Variants in ANKRD23 observed in about 807,000 individuals in gnomAD.
ANKRD23 encodes ankyrin repeat domain-containing protein 23.
ANKRD23 carries 52 observed loss-of-function variants against 38.1 expected under a neutral mutation model. That is an observed-to-expected ratio of 1.36 (90% CI 1.09 to 1.72). ANKRD23 has a LOEUF of 1.72. Among genes scored for constraint, ANKRD23 ranks in the 40% most tolerant of loss-of-function variants. ANKRD23 has a pLI of 0.00. For missense variants in ANKRD23, 416 were observed against 400.2 expected, an observed-to-expected ratio of 1.04 and a Z score of -0.34; for synonymous variants, 167 against 162.9, an observed-to-expected ratio of 1.03 and a Z score of -0.19.
rs763976898 is a variant in ANKRD23 at position 96,840,103 on chromosome 2, CA to C, written c.625-9del. 3 of 1,552,386 alleles carry C rather than the reference CA, an allele frequency of 1.9e-6. No homozygotes were observed. Among genetic ancestry groups the C allele is most frequent in the East Asian group, 4.8e-5 (2 of 41,750 alleles). On this transcript the variant is annotated splice_polypyrimidine_tract_variant and intron_variant, in intron 6 of 8. Transcript: ENST00000318357. ...CAGGGGGGTGCTCCCGATCTGAGAG[CA>C]AGTGGGGGTCAGTGCTGGGTCTGGA...
chr2:96,842,094 CTG>C lies in ANKRD23; in HGVS notation c.264_265del (p.His88GlnfsTer8). ...GGGCTCAGGTTTCCTGGGGGGGACT[CTG>C]TGTCTCAGTCGCTTTTTCCGTCTTT... On this transcript the variant is annotated frameshift_variant, in exon 3 of 9. Coordinates refer to ENST00000318357, the MANE Select transcript of ANKRD23 (RefSeq NM_144994.8). LOFTEE classifies it high-confidence loss of function. The C allele has an allele frequency of 3.1e-6, 5 of 1,614,210 alleles. No homozygotes were observed. The highest frequency in any genetic ancestry group is 4.2e-6 in the Non-Finnish European group (5 of 1,180,044).
Position 96,839,199 on chromosome 2 carries a change from G to A in ANKRD23, c.*350C>T. On this transcript the variant is annotated 3_prime_UTR_variant, in exon 9 of 9. Coordinates refer to ENST00000318357, the MANE Select transcript of ANKRD23 (RefSeq NM_144994.8). The stretch of plus-strand genomic sequence containing the variant: ...TGGACACTGAGGACTCCCAGACCCA[G>A]CCCTGGGTGGCTCCAGCTTGGGACT... 1.9e-6 allele frequency: 2 copies of A among 1,056,702 alleles called. No individual in the cohort carries two copies. Among genetic ancestry groups the A allele is most frequent in the Non-Finnish European group, 2.3e-6 (2 of 876,822 alleles). The allele number at this position is 1,056,702 out of a possible 1,614,324, so 65.5% of individuals were successfully genotyped here.
chr2:96,842,627 CG>C (rs1218952295), intron 1 of ANKRD23, 116 bp from the exon 2 acceptor site: 1 of 1,307,144 alleles, frequency 7.7e-7, no homozygotes. Flanking sequence ...GGCTGGTGCC[CG>C]GGATGGGAGC....
chr2:96,842,502 C>T lies in ANKRD23; in HGVS notation c.37G>A (p.Glu13Lys). Reference sequence around the variant, plus strand: ...CCCAACACTTTCCCTTCAACTCTTTCTCCACTTACCTGTAGGAACAGGATA... The same window carrying T: ...CCCAACACTTTCCCTTCAACTCTTTTTCCACTTACCTGTAGGAACAGGATA... ...FISIQQLVSGERVEGKVLGFG... is the reference protein window; with the variant it reads ...FISIQQLVSGKRVEGKVLGFG... The change falls in exon 2 of 9, where the codon GAA becomes AAA. Residue 13 changes from glutamate (E) to lysine (K), a missense_variant. By Grantham distance (56) the Glu-to-Lys change is moderately conservative. Transcript: ENST00000318357. 6.2e-7 allele frequency: 1 copy of T among 1,613,286 alleles called. No homozygotes were observed. Among genetic ancestry groups the T allele is most frequent in the Non-Finnish European group, 8.5e-7 (1 of 1,179,686 alleles).
At position 96,840,741 on chromosome 2, in the gene ANKRD23, CCTGCAG is replaced by C. The variant is rs1559021526; in HGVS notation, c.426+40_426+45del. Reference sequence around the variant, plus strand: ...ACTTGAACACACTGAAGGCAGCGCTCCTGCAGCTGCAGCTGCTGCCAGCCGACTCAC... The same window carrying C: ...ACTTGAACACACTGAAGGCAGCGCTCCTGCAGCTGCTGCCAGCCGACTCAC... On this transcript the variant is annotated intron_variant, in intron 4 of 8. Transcript: ENST00000318357. 4 of 1,611,406 alleles carry C rather than the reference CCTGCAG, an allele frequency of 2.5e-6. No individual in the cohort carries two copies. In the East Asian group the frequency reaches 6.7e-5, roughly 27 times the overall value.
At chr2:96,841,134 C>T (rs543005125) in intron 3 of ANKRD23, 9 of 528,088 alleles carry the variant, frequency 1.7e-5, no homozygotes, top group East Asian at 3.3e-5. Flanking sequence ...CCCCAAGATT[C>T]GTATGAAGTA....
intron 2 of ANKRD23, 75 bp downstream of exon 2, chr2:96,842,290 C>T: frequency 1.2e-6 from 2 of 1,602,604 alleles, no homozygotes; most frequent in Non-Finnish European, 1.7e-6. Context: ...CACCAGAGTC[C>T]CTCCAGGCCT....
In ANKRD23 at chr2:96,839,979, A is replaced by C; in HGVS notation, c.723+18T>G. Reference sequence around the variant, plus strand: ...TCTGGAGCTGTCCGAGCCGGAAAAGACCAAGCGCCTGCCTTACCTTATCCT... The same window carrying C: ...TCTGGAGCTGTCCGAGCCGGAAAAGCCCAAGCGCCTGCCTTACCTTATCCT... On this transcript the variant is annotated intron_variant, in intron 7 of 8. Coordinates refer to ENST00000318357, the MANE Select transcript of ANKRD23 (RefSeq NM_144994.8). 6.4e-7 allele frequency: 1 copy of C among 1,552,030 alleles called. No homozygotes were observed. Among genetic ancestry groups the C allele is most frequent in the South Asian group, 1.2e-5 (1 of 84,104 alleles).
At position 96,839,798 on chromosome 2, in the gene ANKRD23, C is replaced by A. The variant is rs755698341; in HGVS notation, c.751G>T (p.Val251Leu). 1.2e-6 allele frequency: 2 copies of A among 1,613,188 alleles called. No homozygotes were observed. Among genetic ancestry groups the A allele is most frequent in the Non-Finnish European group, 1.7e-6 (2 of 1,179,930 alleles). The change falls in exon 8 of 9, where the codon GTG (valine) becomes TTG (leucine). Residue 251 changes from valine to leucine, a missense_variant. Val to Leu is a conservative substitution (Grantham distance 32). Transcript: ENST00000318357. ...KEGDTALHEA[V>L]RHGSYKAMKL... is the part of the protein sequence containing the mutation. ...ATGGCTTTGTAGCTGCCGTGCCGCA[C>A]GGCCTCGTGCAGAGCCGTGTCCCCT...
At position 96,842,400 on chromosome 2, in the gene ANKRD23, C is replaced by A. The variant is rs199616781; in HGVS notation, c.139G>T (p.Glu47Ter). Residue 47 changes from glutamate (E) to a stop codon, truncating the protein, a stop_gained, in exon 2 of 9, where the codon GAG (glutamate) becomes TAG (stop). Coordinates refer to ENST00000318357, the MANE Select transcript of ANKRD23 (RefSeq NM_144994.8). LOFTEE classifies it high-confidence loss of function. ...TTCTCTTCTTCCAATTTCAGCTTCT[C>A]CCGGGCCACAGCCTCTTGGGGGCCC... ...RRGPQEAVAREKLKLEEEKKK... is the reference protein window; with the variant it reads ...RRGPQEAVAR 77 of 1,605,834 alleles carry A rather than the reference C, an allele frequency of 4.8e-5. No individual in the cohort carries two copies. Among genetic ancestry groups the A allele is most frequent in the Non-Finnish European group, 1.0e-5 (12 of 1,175,958 alleles).
chr2:96,839,176 G>A lies in ANKRD23; in HGVS notation c.*373C>T. ...CAAGCCCCCTAACCTGGGACAAGTG[G>A]ACACTGAGGACTCCCAGACCCAGCC... On this transcript the variant is annotated 3_prime_UTR_variant, in exon 9 of 9. Coordinates refer to ENST00000318357, the MANE Select transcript of ANKRD23 (RefSeq NM_144994.8). 5.8e-6 allele frequency: 6 copies of A among 1,029,318 alleles called. No individual in the cohort carries two copies. The highest frequency in any genetic ancestry group is 7.0e-6 in the Non-Finnish European group (6 of 859,256). 63.8% of individuals were successfully genotyped at this position (1,029,318 alleles called of 1,614,324 possible). A position where few individuals can be genotyped will look rare whatever the true frequency, so the allele number is the denominator to read the frequency against.
Position 96,842,024 on chromosome 2 carries a change from G to C in ANKRD23, c.300+36C>G, listed in dbSNP as rs377092322. On this transcript the variant is annotated intron_variant, in intron 3 of 8. Transcript: ENST00000318357. ...CCCTTCCTCTGGAACTGGAGCCCTG[G>C]TGTGTGCACTGCCCTAACCCCGACC... 1.6e-5 allele frequency: 26 copies of C among 1,612,666 alleles called. No homozygotes were observed. The African/African-American group carries it at 2.4e-4, about 15-fold the overall frequency.
intron 1 of ANKRD23, among the ~76,000 whole-genome samples, chr2:96,843,554 C>G (rs529908223): frequency 6.6e-5 from 10 of 152,344 alleles, no homozygotes; most frequent in African/African-American, 2.4e-4. Context: ...GTTCCTCTTT[C>G]ACCATCACTA....
chr2:96,839,578 G>T lies in ANKRD23; in HGVS notation c.889C>A (p.His297Asn). 6.8e-7 allele frequency: 1 copy of T among 1,472,288 alleles called. No homozygotes were observed. Among genetic ancestry groups the T allele is most frequent in the Non-Finnish European group, 9.0e-7 (1 of 1,115,288 alleles). The allele number at this position is 1,472,288 out of a possible 1,614,324, so 91.2% of individuals were successfully genotyped here. ...CACCGGGTGCGGGGATGCGCCACGT[G>T]GGCCTGCAGGGCCTCCCGGATGCCG... ...QRGIREALQA[H>N]VAHPRTRC The change falls in exon 9 of 9, where the codon CAC (histidine) becomes AAC (asparagine). Residue 297 changes from histidine (H) to asparagine (N), a missense_variant. By Grantham distance (68) the His-to-Asn change is moderately conservative. Transcript: ENST00000318357.
In ANKRD23 at chr2:96,838,908, A is replaced by T. The variant is rs2079724136; in HGVS notation, c.*641T>A. 1 of 985,412 alleles carries T rather than the reference A, an allele frequency of 1.0e-6. No homozygotes were observed. The highest frequency in any genetic ancestry group is 6.1e-5 in the Admixed American group (1 of 16,268). 61.0% of individuals were successfully genotyped at this position (985,412 alleles called of 1,614,324 possible). A position where few individuals can be genotyped will look rare whatever the true frequency, so the allele number is the denominator to read the frequency against. ...ACCTGTTGAGTAGCCACCTCAGATG[A>T]CCAGAACCCACCTCCAGAGTTCCTA... On this transcript the variant is annotated 3_prime_UTR_variant, in exon 9 of 9. Coordinates refer to ENST00000318357, the MANE Select transcript of ANKRD23 (RefSeq NM_144994.8).
At chr2:96,840,618 C>A in intron 4 of ANKRD23, 104 bp from the exon 5 acceptor site, 1 of 1,510,138 alleles carries the variant, frequency 6.6e-7, no homozygotes, top group Non-Finnish European at 9.1e-7. Flanking sequence ...ATTGCCACTT[C>A]CCCCACCACG....
chr2:96,839,289 G>A lies in ANKRD23; in HGVS notation c.*260C>T, dbSNP rs574540044. 1.6e-5 allele frequency: 19 copies of A among 1,212,016 alleles called. No individual in the cohort carries two copies. The highest frequency in any genetic ancestry group is 1.9e-5 in the Non-Finnish European group (19 of 975,646). The allele number at this position is 1,212,016 out of a possible 1,614,324, so 75.1% of individuals were successfully genotyped here. A position where few individuals can be genotyped will look rare whatever the true frequency, so the allele number is the denominator to read the frequency against. ...CTTCCTGGCCCTCATCTGGACCCGC[G>A]CTTTCTGCTGCCTTGTGGTCCTCTG... On this transcript the variant is annotated 3_prime_UTR_variant, in exon 9 of 9. Transcript: ENST00000318357.
intron 1 of ANKRD23, 138 bp from the exon 2 acceptor site, chr2:96,842,649 G>T (rs2079774634): frequency 1.9e-6 from 2 of 1,080,470 alleles, no homozygotes; most frequent in Non-Finnish European, 2.6e-6. Flanking sequence ...CGGCCTCAAA[G>T]CTCCTGCAGT....
In ANKRD23 at chr2:96,842,083, T is replaced by TG. The variant is rs771106274; in HGVS notation, c.276dup (p.Arg93GlnfsTer4). 113 of 1,613,976 alleles carry TG rather than the reference T, an allele frequency of 7.0e-5. No individual in the cohort carries two copies. Among genetic ancestry groups the TG allele is most frequent in the Middle Eastern group, 1.7e-4 (1 of 6,032 alleles). On this transcript the variant is annotated frameshift_variant, in exon 3 of 9. Transcript: ENST00000318357. LOFTEE classifies it high-confidence loss of function. ...ACCTTAACCAGGGGCTCAGGTTTCC[T>TG]GGGGGGGACTCTGTGTCTCAGTCGC...
Sources: allele counts gnomAD v4.1 joint callset (sites outside exome capture counted in the v4.1 genomes callset), GRCh38; gene constraint gnomAD v4.1.1; transcripts MANE v1.5; gene names NCBI Gene and HGNC (gene_info 2026-07-23, HGNC 2026-07-21).